Variants in LHPP observed in about 807,000 individuals in gnomAD.
LHPP encodes hLHPP.
Under a neutral mutation model 30.3 loss-of-function variants are expected in LHPP, and 24 were observed. The observed-to-expected ratio is 0.79, with a 90% CI of 0.57 to 1.11. LHPP has a LOEUF of 1.11. Ranked by LOEUF, LHPP falls within the 50% of genes most tolerant of loss-of-function variation. The probability of loss-of-function intolerance (pLI) is 0.00; values close to 1 mark genes in which losing one functional copy is unlikely to be tolerated. For synonymous variants in LHPP, 150 were observed against 157.1 expected (o/e 0.95, Z 0.34); for missense variants, 356 against 367.2 (o/e 0.97, Z 0.25).
Position 124,592,904 on chromosome 10 carries a change from G to T in LHPP, c.717-20360G>T, listed in dbSNP as rs1948898670. 6.6e-6 allele frequency among the ~76,000 whole-genome samples: 1 copy of T among 152,222 alleles called. No individual in the cohort carries two copies. Among genetic ancestry groups the T allele is most frequent in the African/African-American group, 2.4e-5 (1 of 41,462 alleles). On this transcript the variant is annotated intron_variant, in intron 6 of 6. Coordinates refer to ENST00000368842, the MANE Select transcript of LHPP (RefSeq NM_022126.4). The surrounding 1 kb of genome is among the most constrained non-coding windows in gnomAD (Gnocchi z 6.2). ...TCCCTGTGGGCACAATCGGCCCAGTGTGGGGCGCACCGCCCCAGGCAGGCT... is the reference window on the plus strand; with the variant it reads ...TCCCTGTGGGCACAATCGGCCCAGTTTGGGGCGCACCGCCCCAGGCAGGCT...
At chr10:124,473,301 G>GC (rs1952845227) in intron 1 of LHPP, among the ~76,000 whole-genome samples, 1 of 152,156 alleles carries the variant, frequency 6.6e-6, no homozygotes, top group Non-Finnish European at 1.5e-5. Context: ...GATTTCCCAG[G>GC]CCCCCGGCAA....
chr10:124,598,643 A>G (rs1228653544), intron 6 of LHPP, among the ~76,000 whole-genome samples: 5 of 151,846 alleles, frequency 3.3e-5, no homozygotes, highest in Non-Finnish European at 5.9e-5. Flanking sequence ...CCGTCCATCC[A>G]TCCATCCATC....
chr10:124,569,593 C>T (rs10794152), intron 6 of LHPP, among the ~76,000 whole-genome samples: 37,474 of 152,110 alleles, frequency 0.25, 5,144 homozygotes, highest in East Asian at 0.3. Context: ...CTCATTCACT[C>T]GGCCAGGATT....
chr10:124,577,930 T>A (rs1451046803), intron 6 of LHPP, among the ~76,000 whole-genome samples: 1 of 151,982 alleles, frequency 6.6e-6, no homozygotes, highest in Non-Finnish European at 1.5e-5. Context: ...GGTCCCCACC[T>A]CGGTGCAGCA....
chr10:124,517,870 C>G lies in LHPP; in HGVS notation c.716+599C>G, dbSNP rs1954498430. 1.3e-5 allele frequency among the ~76,000 whole-genome samples: 2 copies of G among 152,222 alleles called. No individual in the cohort carries two copies. Among genetic ancestry groups the G allele is most frequent in the South Asian group, 4.1e-4 (2 of 4,822 alleles). The stretch of plus-strand genomic sequence containing the variant: ...GGGCCCTGTGGTACCCAAGCTCCAG[C>G]TCGCCTGGTCATCGAGAGGATCTTG... On this transcript the variant is annotated intron_variant, in intron 6 of 6. Transcript: ENST00000368842. This position sits in a 1 kb window ranked among gnomAD's most constrained non-coding sequence, Gnocchi z 4.1.
At chr10:124,573,533 A>C (rs193282156) in intron 6 of LHPP, among the ~76,000 whole-genome samples, 1 of 151,818 alleles carries the variant, frequency 6.6e-6, no homozygotes, top group Non-Finnish European at 1.5e-5. Context: ...CTGGTCTTGA[A>C]CTCCTGACCT....
At chr10:124,544,753 G>A (rs572768392) in intron 6 of LHPP, among the ~76,000 whole-genome samples, 3 of 152,214 alleles carry the variant, frequency 2.0e-5, no homozygotes, top group South Asian at 2.1e-4. Context: ...GGCTGCCCCC[G>A]TCACGGGACC....
intron 5 of LHPP, chr10:124,498,579 C>T (rs1394464916): frequency 5.8e-6 from 6 of 1,040,590 alleles, no homozygotes; most frequent in South Asian, 1.7e-5. Context: ...GAAAAAGAAT[C>T]GGTTATGATT....
intron 5 of LHPP, among the ~76,000 whole-genome samples, chr10:124,513,206 A>T (rs1427096818): frequency 6.6e-6 from 1 of 151,580 alleles, no homozygotes; most frequent in African/African-American, 2.4e-5. Flanking sequence ...GATTACAGGC[A>T]TCCGCCACCA....
At chr10:124,522,727 C>A (rs530182390) in intron 6 of LHPP, among the ~76,000 whole-genome samples, 6 of 148,984 alleles carry the variant, frequency 4.0e-5, no homozygotes, top group African/African-American at 5.1e-5. Context: ...GCCCACGCCC[C>A]CCCCCAAGCA....
intron 2 of LHPP, among the ~76,000 whole-genome samples, chr10:124,486,525 TAGG>T (rs1315709166): frequency 6.6e-6 from 1 of 152,248 alleles, no homozygotes; most frequent in Non-Finnish European, 1.5e-5. Flanking sequence ...GGGCAAAGTC[TAGG>T]AGAAGACAGG....
intron 2 of LHPP, among the ~76,000 whole-genome samples, chr10:124,487,442 CT>C (rs140426240): frequency 0.35 from 37,684 of 106,746 alleles, 4,895 homozygotes; most frequent in East Asian, 0.57. Flanking sequence ...TTCTTTCTTT[CT>C]TTTTTTTTTT....
chr10:124,493,285 C>T (rs1261829826), intron 3 of LHPP, among the ~76,000 whole-genome samples: 3 of 152,076 alleles, frequency 2.0e-5, no homozygotes, highest in Admixed American at 2.0e-4. Flanking sequence ...GGGACTAGGT[C>T]CCAGCTTCTC....
intron 6 of LHPP, among the ~76,000 whole-genome samples, chr10:124,597,592 G>A: frequency 6.6e-6 from 1 of 152,228 alleles, no homozygotes; most frequent in South Asian, 2.1e-4. Flanking sequence ...GAGGACTGGT[G>A]CCGCCTCCCT....
intron 5 of LHPP, among the ~76,000 whole-genome samples, chr10:124,509,812 C>T (rs987359079): frequency 2.0e-5 from 3 of 152,054 alleles, no homozygotes; most frequent in Non-Finnish European, 2.9e-5. Flanking sequence ...ACCACCCAGC[C>T]CTGCTGCTTC....
In LHPP at chr10:124,483,135, A is replaced by G. The variant is rs148512813; in HGVS notation, c.126-1004A>G. Reference sequence around the variant, plus strand: ...CTCGGTGCCGCCGGCCAGTGGCAGCATCCTGAAGTTCATGAGACCTCCAGG... The same window carrying G: ...CTCGGTGCCGCCGGCCAGTGGCAGCGTCCTGAAGTTCATGAGACCTCCAGG... On this transcript the variant is annotated intron_variant, in intron 1 of 6. Coordinates refer to ENST00000368842, the MANE Select transcript of LHPP (RefSeq NM_022126.4). 3.9e-4 allele frequency among the ~76,000 whole-genome samples: 59 copies of G among 152,330 alleles called. 2 individuals are homozygous for G. The East Asian group carries it at 0.011, about 29-fold the overall frequency.
intron 6 of LHPP, among the ~76,000 whole-genome samples, chr10:124,527,351 G>A (rs954446662): frequency 6.6e-6 from 1 of 152,262 alleles, no homozygotes; most frequent in Non-Finnish European, 1.5e-5. Context: ...TCCTGTCCTT[G>A]CAGGCACAGC....
rs55916645 is a variant in LHPP at position 124,523,306 on chromosome 10, C to A, written c.716+6035C>A. Reference sequence around the variant, plus strand: ...GCCTGGGTGCTGAAGGGGTTTCCCCCCAGTGGGGTGGCCAGCCGATCTAGG... The same window carrying A: ...GCCTGGGTGCTGAAGGGGTTTCCCCACAGTGGGGTGGCCAGCCGATCTAGG... On this transcript the variant is annotated intron_variant, in intron 6 of 6. Coordinates refer to ENST00000368842, the MANE Select transcript of LHPP (RefSeq NM_022126.4). This position sits in a 1 kb window ranked among gnomAD's most constrained non-coding sequence, Gnocchi z 4.2. Among the ~76,000 whole-genome samples, 76 of 152,328 alleles carry A rather than the reference C, an allele frequency of 5.0e-4. No individual in the cohort carries two copies. Among genetic ancestry groups the A allele is most frequent in the African/African-American group, 1.8e-3 (73 of 41,582 alleles).
intron 6 of LHPP, among the ~76,000 whole-genome samples, chr10:124,564,013 C>T (rs899064780): frequency 3.3e-5 from 5 of 152,010 alleles, no homozygotes; most frequent in African/African-American, 4.8e-5. Flanking sequence ...GTGGTATGAT[C>T]GTGGCTCACT....
Sources: gnomAD v4.1 joint callset for allele counts (sites outside exome capture counted in the v4.1 genomes callset) on GRCh38, gnomAD v4.1.1 for gene constraint, Gnocchi (gnomAD v3.1) non-coding constraint, MANE v1.5 for transcripts, NCBI Gene and HGNC (gene_info 2026-07-23, HGNC 2026-07-21) for gene names.